The following STAU2 variants were observed in gnomAD, a reference collection of about 807,000 sequenced individuals.
The protein encoded by STAU2 is double-stranded RNA-binding protein Staufen homolog 2.
A neutral mutation model predicts 65.9 loss-of-function variants in STAU2; 20 were observed. The observed-to-expected ratio is 0.30, with a 90% CI of 0.21 to 0.44. The LOEUF (loss-of-function observed/expected upper bound fraction) is 0.44, where lower values mean the gene tolerates loss of function less well. Among genes scored for constraint, STAU2 ranks in the 20% least tolerant of loss-of-function variants. STAU2 has a pLI of 1.00. For missense variants in STAU2, 558 were observed against 683.9 expected, an observed-to-expected ratio of 0.82 and a Z score of 2.05; for synonymous variants, 232 against 233.9, an observed-to-expected ratio of 0.99 and a Z score of 0.07.
At position 73,613,749 on chromosome 8, in the gene STAU2, C is replaced by T. The variant is rs1296765774; in HGVS notation, c.886G>A (p.Val296Ile). The change falls in exon 9 of 15, where the codon GTA becomes ATA. Residue 296 changes from valine (V) to isoleucine (I), a missense_variant. Val to Ile is a conservative substitution (Grantham distance 29). Coordinates refer to ENST00000524300, the MANE Select transcript of STAU2 (RefSeq NM_001164380.2). Reference sequence around the variant, plus strand: ...GTTCACAAATATAAACTTACCTTTACTATTGTTTTAGGGCGTTTTTTAAAA... The same window carrying T: ...GTTCACAAATATAAACTTACCTTTATTATTGTTTTAGGGCGTTTTTTAAAA... ...LFFKKRPKTIVKAGPEYGQGM... is the reference protein window; with the variant it reads ...LFFKKRPKTIIKAGPEYGQGM... The T allele has an allele frequency of 3.1e-6, 5 of 1,606,258 alleles. No homozygotes were observed. Among genetic ancestry groups the T allele is most frequent in the South Asian group, 1.1e-5 (1 of 90,060 alleles).
rs145648626 is a variant in STAU2 at position 73,555,072 on chromosome 8, G to C, written c.1223-2753C>G. Among the ~76,000 whole-genome samples, 410 of 152,308 alleles carry C rather than the reference G, an allele frequency of 2.7e-3. 2 individuals carry two copies. Among genetic ancestry groups the C allele is most frequent in the African/African-American group, 9.0e-3 (372 of 41,558 alleles). Reference sequence around the variant, plus strand: ...ACCTCAAGTCATGCTCAGTCTATCAGGAGAGGAACGAAAATGGATAATACA... The same window carrying C: ...ACCTCAAGTCATGCTCAGTCTATCACGAGAGGAACGAAAATGGATAATACA... On this transcript the variant is annotated intron_variant, in intron 12 of 14. Coordinates refer to ENST00000524300, the MANE Select transcript of STAU2 (RefSeq NM_001164380.2).
At chr8:73,621,659 T>C (rs555524817) in intron 6 of STAU2, among the ~76,000 whole-genome samples, 14 of 152,312 alleles carry the variant, frequency 9.2e-5, no homozygotes, top group African/African-American at 2.4e-4. Flanking sequence ...AATGGTTGCA[T>C]TTCTTTTAAA....
chr8:73,688,546 G>C, intron 5 of STAU2, 108 bp downstream of exon 5: 1 of 1,039,050 alleles, frequency 9.6e-7, no homozygotes, highest in Non-Finnish European at 1.5e-6. Flanking sequence ...ATGGGCATAT[G>C]TGTACTATTA....
At chr8:73,634,186 C>A (rs1814322123) in intron 6 of STAU2, among the ~76,000 whole-genome samples, 2 of 152,174 alleles carry the variant, frequency 1.3e-5, no homozygotes, top group Admixed American at 1.3e-4. Context: ...TTCAAAACAG[C>A]CTCGTCTCTA....
intron 7 of STAU2, 56 bp downstream of exon 7, chr8:73,617,236 A>C: frequency 6.3e-7 from 1 of 1,584,406 alleles, no homozygotes; most frequent in South Asian, 1.2e-5. Flanking sequence ...AAATGCTCTG[A>C]TTTGTTTCAC....
intron 12 of STAU2, among the ~76,000 whole-genome samples, chr8:73,557,413 C>A (rs1002482372): frequency 8.5e-5 from 13 of 152,240 alleles, no homozygotes; most frequent in Non-Finnish European, 1.8e-4. Flanking sequence ...TTAGGATCTT[C>A]CTGTTGTAAA....
chr8:73,507,678 A>T lies in STAU2; in HGVS notation c.1530+44334T>A, dbSNP rs148395528. Among the ~76,000 whole-genome samples the T allele has an allele frequency of 3.9e-5, 6 of 152,316 alleles. No individual in the cohort carries two copies. The East Asian group carries it at 1.2e-3, about 29-fold the overall frequency. Reference sequence around the variant, plus strand: ...GCCTGTCCTTTGAAGCTTTGAATTCAAGCATTGACTTCTCCTTTCTAGCTA... The same window carrying T: ...GCCTGTCCTTTGAAGCTTTGAATTCTAGCATTGACTTCTCCTTTCTAGCTA... On this transcript the variant is annotated intron_variant, in intron 13 of 14. Transcript: ENST00000524300.
chr8:73,711,025 T>A (rs1329135501), intron 3 of STAU2, among the ~76,000 whole-genome samples: 6 of 145,114 alleles, frequency 4.1e-5, no homozygotes, highest in African/African-American at 1.5e-4. Context: ...GAAAACTACG[T>A]AAGCACCTGG....
intron 13 of STAU2, among the ~76,000 whole-genome samples, chr8:73,547,088 C>T (rs796087645): frequency 3.8e-4 from 58 of 152,080 alleles, no homozygotes; most frequent in African/African-American, 1.4e-3. Context: ...ATCATGATGG[C>T]TCATTTCAGA....
chr8:73,672,592 T>C (rs1478064816), intron 6 of STAU2, among the ~76,000 whole-genome samples: 2 of 152,180 alleles, frequency 1.3e-5, no homozygotes, highest in Non-Finnish European at 2.9e-5. Context: ...AACTTCAACT[T>C]GGTTAAATAT....
At chr8:73,606,344 C>A (rs1350419423) in intron 9 of STAU2, among the ~76,000 whole-genome samples, 1 of 151,814 alleles carries the variant, frequency 6.6e-6, no homozygotes, top group Non-Finnish European at 1.5e-5. Context: ...TAATAAAGCA[C>A]CTGTATCCAG....
intron 13 of STAU2, among the ~76,000 whole-genome samples, chr8:73,497,995 C>A (rs546165844): frequency 5.3e-5 from 8 of 151,812 alleles, no homozygotes; most frequent in African/African-American, 1.9e-4. Context: ...GTACACGTGG[C>A]AACATAATAT....
At chr8:73,746,191 C>T (rs1225490451) in intron 1 of STAU2, among the ~76,000 whole-genome samples, 1 of 152,062 alleles carries the variant, frequency 6.6e-6, no homozygotes, top group African/African-American at 2.4e-5. Flanking sequence ...ACGTCTTTAC[C>T]ACTAGCCCAT....
chr8:73,558,962 A>T (rs1193806460), intron 12 of STAU2, among the ~76,000 whole-genome samples: 1 of 152,184 alleles, frequency 6.6e-6, no homozygotes, highest in Admixed American at 6.5e-5. Flanking sequence ...TATAATTAAA[A>T]ATTCTTAAGA....
chr8:73,703,742 T>C, intron 4 of STAU2, among the ~76,000 whole-genome samples: 1 of 152,212 alleles, frequency 6.6e-6, no homozygotes, highest in East Asian at 1.9e-4. Flanking sequence ...TTATATAGTT[T>C]TAGAAACTGC....
chr8:73,696,802 A>AT (rs1235887705), intron 4 of STAU2, among the ~76,000 whole-genome samples: 2 of 152,236 alleles, frequency 1.3e-5, no homozygotes, highest in African/African-American at 4.8e-5. Flanking sequence ...AGAAAAAGAG[A>AT]TAACAGTAGA....
intron 13 of STAU2, among the ~76,000 whole-genome samples, chr8:73,462,539 A>G (rs1347272046): frequency 6.6e-6 from 1 of 151,898 alleles, no homozygotes; most frequent in East Asian, 1.9e-4. Flanking sequence ...GGGACCACAG[A>G]CATGCACTAC....
intron 13 of STAU2, among the ~76,000 whole-genome samples, chr8:73,543,007 T>C (rs1316096667): frequency 1.3e-5 from 2 of 152,182 alleles, no homozygotes; most frequent in Non-Finnish European, 2.9e-5. Context: ...TTATTTATAA[T>C]GGCCCCAAAG....
At chr8:73,678,923 C>T (rs574670731) in intron 5 of STAU2, among the ~76,000 whole-genome samples, 21 of 152,226 alleles carry the variant, frequency 1.4e-4, no homozygotes, top group Non-Finnish European at 2.6e-4. Context: ...CAACCTAGCA[C>T]AGACCACATG....
Sources: allele counts gnomAD v4.1 joint callset (sites outside exome capture counted in the v4.1 genomes callset), GRCh38; gene constraint gnomAD v4.1.1; transcripts MANE v1.5; gene names NCBI Gene and HGNC (gene_info 2026-07-23, HGNC 2026-07-21).